GRIK3: variants seen among roughly 807,000 people sequenced by gnomAD.
GRIK3 encodes glutamate ionotropic receptor kainate type subunit 3.
In GRIK3, 29 loss-of-function variants were observed where a neutral mutation model predicts 102.5. That is an observed-to-expected ratio of 0.28 (90% CI 0.21 to 0.39). GRIK3 has a LOEUF of 0.39. GRIK3 is among the 10% of genes least tolerant of loss of function. The pLI, the probability that GRIK3 is intolerant of heterozygous loss-of-function variation, is 1.00. For missense variants in GRIK3, 908 were observed against 1,252.4 expected, an observed-to-expected ratio of 0.73 and a Z score of 4.15; for synonymous variants, 511 against 504.9, an observed-to-expected ratio of 1.01 and a Z score of -0.16.
chr1:36,846,950 T>C (rs908486715), intron 9 of GRIK3, among the ~76,000 whole-genome samples: 1 of 152,240 alleles, frequency 6.6e-6, no homozygotes, highest in Non-Finnish European at 1.5e-5. Context: ...TCAGGGATAC[T>C]CCAGAGGTCA....
chr1:36,934,895 CT>C (rs1300875462), intron 1 of GRIK3, among the ~76,000 whole-genome samples: 1 of 152,212 alleles, frequency 6.6e-6, no homozygotes, highest in Non-Finnish European at 1.5e-5. Flanking sequence ...CCTGGCTCCC[CT>C]CTCTGGCACC....
At chr1:36,972,120 C>A (rs1557447098) in intron 1 of GRIK3, among the ~76,000 whole-genome samples, 1 of 152,224 alleles carries the variant, frequency 6.6e-6, no homozygotes, top group African/African-American at 2.4e-5. Context: ...AGGCCACACG[C>A]GGAGGCTCCT....
At chr1:37,030,556 C>A (rs1045268198) in intron 1 of GRIK3, among the ~76,000 whole-genome samples, 7 of 140,588 alleles carry the variant, frequency 5.0e-5, no homozygotes, top group East Asian at 4.2e-4. Flanking sequence ...CCTCCCCCCC[C>A]CCAACACCTG....
At position 36,884,469 on chromosome 1, in the gene GRIK3, C is replaced by T. The variant is rs541869624; in HGVS notation, c.293-3578G>A. Among the ~76,000 whole-genome samples the T allele has an allele frequency of 3.9e-5, 6 of 152,254 alleles. No individual in the cohort carries two copies. The East Asian group carries it at 5.8e-4, about 15-fold the overall frequency. ...ATATCTTCCCCGACAACCTTGTCCC[C>T]TTCAGATTAGGCACTTCCTGAGGAA... On this transcript the variant is annotated intron_variant, in intron 2 of 15. Coordinates refer to ENST00000373091, the MANE Select transcript of GRIK3 (RefSeq NM_000831.4).
intron 1 of GRIK3, among the ~76,000 whole-genome samples, chr1:36,922,370 C>A (rs1462945380): frequency 1.3e-5 from 2 of 152,212 alleles, no homozygotes; most frequent in Non-Finnish European, 2.9e-5. Context: ...TAAGCAGCAT[C>A]CCCAAGCTCC....
intron 1 of GRIK3, among the ~76,000 whole-genome samples, chr1:36,922,986 G>T (rs1641490495): frequency 6.6e-6 from 1 of 152,258 alleles, no homozygotes; most frequent in Non-Finnish European, 1.5e-5. Context: ...CTGGCCAGCG[G>T]CACCCCCAGT....
At chr1:36,890,440 G>A (rs1641101087) in intron 2 of GRIK3, among the ~76,000 whole-genome samples, 1 of 151,806 alleles carries the variant, frequency 6.6e-6, no homozygotes, top group South Asian at 2.1e-4. Context: ...CTCCAGCCTG[G>A]GCAACAGAGT....
intron 1 of GRIK3, among the ~76,000 whole-genome samples, chr1:36,911,489 G>A (rs1424370994): frequency 6.6e-6 from 1 of 152,200 alleles, no homozygotes; most frequent in African/African-American, 2.4e-5. Context: ...TAGGAAGGCT[G>A]GAGGGCCTTC....
intron 7 of GRIK3, among the ~76,000 whole-genome samples, chr1:36,857,530 C>G (rs1204423464): frequency 1.3e-5 from 2 of 152,190 alleles, no homozygotes; most frequent in Non-Finnish European, 2.9e-5. Flanking sequence ...CTGAATTCAT[C>G]CCTCACAATA....
At chr1:37,013,552 T>A (rs899478282) in intron 1 of GRIK3, among the ~76,000 whole-genome samples, 1 of 152,142 alleles carries the variant, frequency 6.6e-6, no homozygotes. Flanking sequence ...GCTCTACAGT[T>A]CCCTCACCTG....
intron 1 of GRIK3, among the ~76,000 whole-genome samples, chr1:36,922,548 C>A (rs1387622267): frequency 6.6e-6 from 1 of 152,218 alleles, no homozygotes; most frequent in Non-Finnish European, 1.5e-5. Flanking sequence ...AGAATATCAC[C>A]CTTCACTCCC....
intron 1 of GRIK3, among the ~76,000 whole-genome samples, chr1:36,978,233 GC>G (rs1264400558): frequency 2.0e-5 from 3 of 152,236 alleles, no homozygotes; most frequent in Non-Finnish European, 4.4e-5. Context: ...GCATCACAAT[GC>G]ATTACAGCAA....
At chr1:37,007,774 C>T (rs1206658188) in intron 1 of GRIK3, among the ~76,000 whole-genome samples, 1 of 152,186 alleles carries the variant, frequency 6.6e-6, no homozygotes, top group Non-Finnish European at 1.5e-5. Flanking sequence ...AGTGAAGTGA[C>T]TTGTCTGAGG....
chr1:36,811,274 G>A (rs191220882), intron 13 of GRIK3, among the ~76,000 whole-genome samples: 26 of 152,216 alleles, frequency 1.7e-4, no homozygotes, highest in African/African-American at 5.8e-4. Flanking sequence ...GTGCTGAGTT[G>A]CTATGGCACT....
intron 1 of GRIK3, among the ~76,000 whole-genome samples, chr1:36,899,542 T>C (rs1258567182): frequency 6.6e-6 from 1 of 152,162 alleles, no homozygotes; most frequent in Admixed American, 6.5e-5. Context: ...GAAGTTATTC[T>C]TTATGGATAT....
At chr1:36,837,746 C>T (rs1344507732) in intron 10 of GRIK3, among the ~76,000 whole-genome samples, 1 of 152,166 alleles carries the variant, frequency 6.6e-6, no homozygotes, top group African/African-American at 2.4e-5. Flanking sequence ...TCCAGGCTCT[C>T]CACTCTTGGG....
At chr1:37,006,867 G>T (rs187725940) in intron 1 of GRIK3, among the ~76,000 whole-genome samples, 2 of 152,328 alleles carry the variant, frequency 1.3e-5, no homozygotes, top group Admixed American at 6.5e-5. Flanking sequence ...GAAAATTGAG[G>T]CCTGGGAGGC....
chr1:36,987,246 C>A (rs1642315742), intron 1 of GRIK3, among the ~76,000 whole-genome samples: 1 of 151,970 alleles, frequency 6.6e-6, no homozygotes, highest in South Asian at 2.1e-4. Flanking sequence ...CCCCTGGCAG[C>A]ACTGAGGTTC....
At chr1:36,908,149 C>G (rs1198137105) in intron 1 of GRIK3, among the ~76,000 whole-genome samples, 3 of 152,188 alleles carry the variant, frequency 2.0e-5, no homozygotes, top group African/African-American at 7.2e-5. Context: ...TCTTCCCAAC[C>G]CTGCCTTATT....
Sources: gnomAD v4.1 joint callset for allele counts (sites outside exome capture counted in the v4.1 genomes callset) on GRCh38, gnomAD v4.1.1 for gene constraint, MANE v1.5 for transcripts, NCBI Gene and HGNC (gene_info 2026-07-23, HGNC 2026-07-21) for gene names.